RYR2: variants seen among roughly 807,000 people sequenced by gnomAD.
The protein encoded by RYR2 is cardiac muscle ryanodine receptor-calcium release channel.
RYR2 carries 227 observed loss-of-function variants against 601.1 expected under a neutral mutation model. The observed-to-expected ratio is 0.38, with a 90% CI of 0.34 to 0.42. The LOEUF is 0.42. RYR2 is among the 10% of genes least tolerant of loss of function. The probability of loss-of-function intolerance (pLI) is 1.00; values close to 1 mark genes in which losing one functional copy is unlikely to be tolerated. For missense variants in RYR2, 4,646 were observed against 6,156.5 expected (o/e 0.75, Z 8.21); for synonymous variants, 2,223 against 2,175.1 (o/e 1.02, Z -0.61).
chr1:237,803,490 C>T (rs558929778), intron 98 of RYR2, among the ~76,000 whole-genome samples: 17 of 152,076 alleles, frequency 1.1e-4, no homozygotes, highest in South Asian at 6.2e-4. Flanking sequence ...TTAGTAGAGA[C>T]GGGGTTTCAC....
intron 27 of RYR2, among the ~76,000 whole-genome samples, chr1:237,552,780 C>G (rs905770917): frequency 6.6e-6 from 1 of 151,726 alleles, no homozygotes; most frequent in Admixed American, 6.6e-5. Context: ...ATCCATTCTC[C>G]TATAGATGGA....
chr1:237,455,727 G>T (rs536411706), intron 15 of RYR2, among the ~76,000 whole-genome samples: 1 of 152,088 alleles, frequency 6.6e-6, no homozygotes, highest in African/African-American at 2.4e-5. Context: ...GTTCCCACTG[G>T]GTATTCAAAA....
intron 2 of RYR2, among the ~76,000 whole-genome samples, chr1:237,305,643 G>A (rs1431574478): frequency 6.6e-6 from 1 of 152,172 alleles, no homozygotes; most frequent in Non-Finnish European, 1.5e-5. Context: ...TGTTGCTTGG[G>A]CTGGTCTTGA....
At chr1:237,371,456 A>G (rs997918382) in intron 6 of RYR2, among the ~76,000 whole-genome samples, 3 of 152,176 alleles carry the variant, frequency 2.0e-5, no homozygotes, top group African/African-American at 7.2e-5. Flanking sequence ...CATGCCCGGC[A>G]TGATTTTCTT....
intron 1 of RYR2, among the ~76,000 whole-genome samples, chr1:237,192,033 A>G (rs998621801): frequency 2.0e-5 from 3 of 152,152 alleles, no homozygotes; most frequent in Non-Finnish European, 2.9e-5. Context: ...AAGTAGGCAG[A>G]ACAGGAGTTT....
chr1:237,470,730 C>G (rs1299975491), intron 17 of RYR2, among the ~76,000 whole-genome samples: 1 of 152,082 alleles, frequency 6.6e-6, no homozygotes, highest in African/African-American at 2.4e-5. Flanking sequence ...ACCTGAGATT[C>G]ATTGTCTTGC....
chr1:237,819,006 C>T lies in RYR2; in HGVS notation c.14434-30C>T. On this transcript the variant is annotated intron_variant, in intron 100 of 104. Transcript: ENST00000366574. This position sits in a 1 kb window ranked among gnomAD's most constrained non-coding sequence, Gnocchi z 4.0. ...AGAAAAAAAAATGGGTAATGTCCCTCCAAGAAGTGATACCATGTCTTTTTT... is the reference window on the plus strand; with the variant it reads ...AGAAAAAAAAATGGGTAATGTCCCTTCAAGAAGTGATACCATGTCTTTTTT... 1 of 1,592,690 alleles carries T rather than the reference C, an allele frequency of 6.3e-7. No homozygotes were observed. The highest frequency in any genetic ancestry group is 8.6e-7 in the Non-Finnish European group (1 of 1,164,902).
chr1:237,781,662 A>ACTT lies in RYR2; in HGVS notation c.11962+17_11962+19dup, dbSNP rs1219351000. 6 of 1,358,630 alleles carry ACTT rather than the reference A, an allele frequency of 4.4e-6. No homozygotes were observed. The highest frequency in any genetic ancestry group is 6.2e-6 in the Non-Finnish European group (6 of 965,694). 84.2% of individuals were successfully genotyped at this position (1,358,630 alleles called of 1,614,324 possible). A position where few individuals can be genotyped will look rare whatever the true frequency, so the allele number is the denominator to read the frequency against. On this transcript the variant is annotated intron_variant, in intron 89 of 104. Transcript: ENST00000366574. ...ATGTTAGAAGGTAGTTTTGATTTAT[A>ACTT]CTTTTAAATTCTCTTTATTATCTTA...
At chr1:237,257,337 T>G (rs931141728) in intron 1 of RYR2, among the ~76,000 whole-genome samples, 1 of 152,196 alleles carries the variant, frequency 6.6e-6, no homozygotes, top group Non-Finnish European at 1.5e-5. Context: ...CTTCATTTCT[T>G]AGCCATTGAC....
At chr1:237,633,766 TA>T in intron 43 of RYR2, 56 bp downstream of exon 43, 1 of 1,500,852 alleles carries the variant, frequency 6.7e-7, no homozygotes. Context: ...ATATTACATT[TA>T]AAAAGCAAAC....
At chr1:237,087,452 A>G (rs1311465879) in intron 1 of RYR2, among the ~76,000 whole-genome samples, 1 of 152,182 alleles carries the variant, frequency 6.6e-6, no homozygotes, top group Non-Finnish European at 1.5e-5. Context: ...AAAAAATGTA[A>G]ATGTTTTTGT....
chr1:237,395,531 G>GTTTTTTTTTTTTT (rs1330833544), intron 10 of RYR2, among the ~76,000 whole-genome samples: 1 of 98,978 alleles, frequency 1.0e-5, no homozygotes, highest in African/African-American at 4.0e-5. Flanking sequence ...TAGTAGGACT[G>GTTTTTTTTTTTTT]TCTTTTTTTT....
chr1:237,612,972 T>C (rs1211245850), intron 36 of RYR2, among the ~76,000 whole-genome samples: 1 of 152,192 alleles, frequency 6.6e-6, no homozygotes, highest in Non-Finnish European at 1.5e-5. Context: ...AATATATGGA[T>C]AGGAAAATAA....
chr1:237,714,411 G>A (rs929399154), intron 71 of RYR2, among the ~76,000 whole-genome samples: 5 of 152,254 alleles, frequency 3.3e-5, no homozygotes, highest in Middle Eastern at 6.8e-3. Context: ...GATTTGAATA[G>A]GTCTTGGAAA....
intron 24 of RYR2, among the ~76,000 whole-genome samples, chr1:237,515,650 C>CTCCT (rs1286744763): frequency 2.9e-5 from 1 of 34,282 alleles, no homozygotes. Context: ...CCCACCCCTT[C>CTCCT]CCTCCCCTTC....
chr1:237,247,670 AAG>A (rs1686995556), intron 1 of RYR2, among the ~76,000 whole-genome samples: 1 of 152,168 alleles, frequency 6.6e-6, no homozygotes, highest in African/African-American at 2.4e-5. Context: ...GAACACACAA[AAG>A]AGAAACATTT....
At chr1:237,830,414 T>G in intron 102 of RYR2, 116 bp from the exon 103 acceptor site, 138 of 696,064 alleles carry the variant, frequency 2.0e-4, no homozygotes, top group East Asian at 3.7e-4. Flanking sequence ...CTCCATGTGA[T>G]GATCTTTGAC....
intron 1 of RYR2, among the ~76,000 whole-genome samples, chr1:237,206,096 C>T (rs574118251): frequency 5.3e-5 from 8 of 152,316 alleles, no homozygotes; most frequent in African/African-American, 9.6e-5. Context: ...AGGCAGAAGC[C>T]GGCTCACTGG....
chr1:237,110,466 C>T (rs1669342942), intron 1 of RYR2, among the ~76,000 whole-genome samples: 1 of 147,228 alleles, frequency 6.8e-6, no homozygotes, highest in Admixed American at 6.9e-5. Context: ...CTTCCTGTGT[C>T]CATGTGTTCT....
Sources: allele counts gnomAD v4.1 joint callset (sites outside exome capture counted in the v4.1 genomes callset), GRCh38; gene constraint gnomAD v4.1.1; non-coding constraint Gnocchi (gnomAD v3.1); transcripts MANE v1.5; gene names NCBI Gene and HGNC (gene_info 2026-07-23, HGNC 2026-07-21).